Variants in FRMD4A observed in about 807,000 individuals in gnomAD.
FRMD4A encodes FERM domain containing 4A, also known as FERM domain-containing protein 4A.
In FRMD4A, 29 loss-of-function variants were observed where a neutral mutation model predicts 129.1. The observed-to-expected ratio is 0.22, with a 90% CI of 0.17 to 0.31. The LOEUF (loss-of-function observed/expected upper bound fraction) is 0.31, where lower values mean the gene tolerates loss of function less well. Among genes scored for constraint, FRMD4A ranks in the 10% least tolerant of loss-of-function variants. The pLI is 1.00. For missense variants in FRMD4A, 1,272 were observed against 1,375.8 expected (o/e 0.92, Z 1.19); for synonymous variants, 634 against 571.6 (o/e 1.11, Z -1.56).
intron 2 of FRMD4A, among the ~76,000 whole-genome samples, chr10:14,182,745 G>T (rs1841954990): frequency 6.6e-6 from 1 of 152,198 alleles, no homozygotes; most frequent in Non-Finnish European, 1.5e-5. Flanking sequence ...GAGGTTACCA[G>T]TGTGAAGAGT....
chr10:13,934,910 A>G (rs746596572), intron 2 of FRMD4A, among the ~76,000 whole-genome samples: 1 of 152,150 alleles, frequency 6.6e-6, no homozygotes, highest in Non-Finnish European at 1.5e-5. Flanking sequence ...GTCCAAGATC[A>G]AGGTGCTGGT....
chr10:13,672,556 C>T (rs1394314794), intron 16 of FRMD4A, among the ~76,000 whole-genome samples: 1 of 151,962 alleles, frequency 6.6e-6, no homozygotes, highest in East Asian at 1.9e-4. Flanking sequence ...TGATTTTTTT[C>T]ACCATCCACT....
intron 2 of FRMD4A, among the ~76,000 whole-genome samples, chr10:13,905,133 C>T (rs778898392): frequency 3.3e-5 from 5 of 151,994 alleles, no homozygotes; most frequent in Admixed American, 1.3e-4. Context: ...AAGGACCAGT[C>T]GCAACACTGG....
chr10:13,933,678 A>AT (rs1164216603), intron 2 of FRMD4A, among the ~76,000 whole-genome samples: 1 of 152,144 alleles, frequency 6.6e-6, no homozygotes, highest in Non-Finnish European at 1.5e-5. Flanking sequence ...TCTTTTCCAG[A>AT]TTTTCAACAT....
At chr10:13,672,632 C>G (rs558711310) in intron 16 of FRMD4A, among the ~76,000 whole-genome samples, 2 of 152,262 alleles carry the variant, frequency 1.3e-5, no homozygotes, top group Non-Finnish European at 2.9e-5. Context: ...GTAACTGGAG[C>G]TGCACGCTGA....
At chr10:14,317,027 A>G (rs980773946) in intron 2 of FRMD4A, among the ~76,000 whole-genome samples, 4 of 152,124 alleles carry the variant, frequency 2.6e-5, no homozygotes, top group African/African-American at 4.8e-5. Flanking sequence ...TTGTCGCTCA[A>G]TTGTATGACT....
rs12570328 is a variant in FRMD4A, at chr10:14,074,974, C to A, written c.46-216062G>T. The A allele has an allele frequency of 3.3e-5, 5 of 151,988 alleles. No homozygotes were observed. In the East Asian group the frequency reaches 9.7e-4, roughly 29 times the overall value. 9.4% of individuals were successfully genotyped at this position (151,988 alleles called of 1,614,324 possible). On this transcript the variant is annotated intron_variant, in intron 2 of 24. Transcript: ENST00000357447. ...CCTGCAGGTAGGGAGAAGAGATTACCCAGAATTAGTTGACAGTCTATGTTT... is the reference window on the plus strand; with the variant it reads ...CCTGCAGGTAGGGAGAAGAGATTACACAGAATTAGTTGACAGTCTATGTTT...
chr10:13,707,726 G>A (rs2087612172), intron 12 of FRMD4A: 2 of 985,194 alleles, frequency 2.0e-6, no homozygotes, highest in Admixed American at 6.1e-5. Flanking sequence ...CACAGTGTGA[G>A]CCTGTCAAGC....
At chr10:13,819,127 CAAACA>C (rs60503280) in intron 3 of FRMD4A, among the ~76,000 whole-genome samples, 83,804 of 131,882 alleles carry the variant, frequency 0.64, 23,791 homozygotes, top group African/African-American at 0.72. Flanking sequence ...GACTCTGTCT[CAAACA>C]AAACAAAACA....
At chr10:13,704,047 T>TG in intron 13 of FRMD4A, among the ~76,000 whole-genome samples, 1 of 152,180 alleles carries the variant, frequency 6.6e-6, no homozygotes, top group Admixed American at 6.5e-5. Context: ...CTCAAGGCCA[T>TG]GGATACCCCA....
At chr10:13,734,840 CTATTTATT>C (rs140004557) in intron 12 of FRMD4A, among the ~76,000 whole-genome samples, 9,321 of 141,482 alleles carry the variant, frequency 0.066, 348 homozygotes, top group Non-Finnish European at 0.069. Flanking sequence ...TCTTCTTTTT[CTATTTATT>C]TATTTATTTA....
At chr10:14,277,186 C>T (rs1845371839) in intron 2 of FRMD4A, among the ~76,000 whole-genome samples, 1 of 152,082 alleles carries the variant, frequency 6.6e-6, no homozygotes, top group African/African-American at 2.4e-5. Flanking sequence ...GAATGTTGAC[C>T]ACATGAGATT....
intron 2 of FRMD4A, among the ~76,000 whole-genome samples, chr10:14,185,005 CA>C (rs1842042557): frequency 6.6e-6 from 1 of 152,010 alleles, no homozygotes; most frequent in African/African-American, 2.4e-5. Flanking sequence ...TGAGAGAAAA[CA>C]AAACCCAGGA....
At chr10:13,679,474 T>TATATATATATACACACAC (rs1308155926) in intron 15 of FRMD4A, among the ~76,000 whole-genome samples, 40 of 31,482 alleles carry the variant, frequency 1.3e-3, no homozygotes, top group Non-Finnish European at 1.6e-3. Context: ...TATATATATA[T>TATATATATATACACACAC]ACACACACAC....
rs735438 is a variant in FRMD4A at position 14,081,125 on chromosome 10, A to G, written c.46-222213T>C. 5.5e-4 allele frequency among the ~76,000 whole-genome samples: 83 copies of G among 152,272 alleles called. 1 individual carries two copies. Among genetic ancestry groups the G allele is most frequent in the Admixed American group, 3.9e-3 (60 of 15,298 alleles). ...TAGTCAGAGTCCTTTCTAGCTATCA[A>G]TTTGGTAGAGTTTAATAAACTCTCC... On this transcript the variant is annotated intron_variant, in intron 2 of 24. Coordinates refer to ENST00000357447, the MANE Select transcript of FRMD4A (RefSeq NM_018027.5).
At chr10:13,904,912 G>A (rs1036339176) in intron 2 of FRMD4A, among the ~76,000 whole-genome samples, 1 of 138,316 alleles carries the variant, frequency 7.2e-6, no homozygotes, top group Non-Finnish European at 1.5e-5. Context: ...AGAATCGCTT[G>A]AACCCGGAAG....
intron 12 of FRMD4A, among the ~76,000 whole-genome samples, chr10:13,721,343 G>T (rs934655447): frequency 6.6e-6 from 1 of 152,042 alleles, no homozygotes; most frequent in Non-Finnish European, 1.5e-5. Context: ...TTAGCCAGGC[G>T]TGGTGGCAGG....
At chr10:13,959,259 G>T (rs1171449637) in intron 2 of FRMD4A, among the ~76,000 whole-genome samples, 1 of 152,084 alleles carries the variant, frequency 6.6e-6, no homozygotes, top group South Asian at 2.1e-4. Flanking sequence ...AGATCATGAG[G>T]TCAGGAGTTT....
chr10:13,896,513 C>G (rs1373326745), intron 2 of FRMD4A, among the ~76,000 whole-genome samples: 1 of 151,956 alleles, frequency 6.6e-6, no homozygotes, highest in Non-Finnish European at 1.5e-5. Flanking sequence ...ACACCAGGGC[C>G]TGTCAGGGTC....
Sources: gnomAD v4.1 joint callset for allele counts (sites outside exome capture counted in the v4.1 genomes callset) on GRCh38, gnomAD v4.1.1 for gene constraint, MANE v1.5 for transcripts, NCBI Gene and HGNC (gene_info 2026-07-23, HGNC 2026-07-21) for gene names.